Variants in CBFA2T3 observed in about 807,000 individuals in gnomAD.
The protein encoded by CBFA2T3 is CBFA2/RUNX1 partner transcriptional co-repressor 3.
Under a neutral mutation model 58.6 loss-of-function variants are expected in CBFA2T3, and 31 were observed. The observed-to-expected ratio is 0.53, with a 90% CI of 0.40 to 0.71. CBFA2T3 has a LOEUF of 0.71. CBFA2T3 is among the 30% of genes least tolerant of loss of function. The pLI is 0.00. For synonymous variants in CBFA2T3, 531 were observed against 421.9 expected (o/e 1.26, Z -3.17); for missense variants, 1,076 against 963.1 (o/e 1.12, Z -1.55).
In CBFA2T3 at chr16:88,885,212, C is replaced by T. The variant is rs761363984; in HGVS notation, c.951G>A (p.Arg317=). 2.7e-5 allele frequency: 43 copies of T among 1,596,124 alleles called. No individual in the cohort carries two copies. Among genetic ancestry groups the T allele is most frequent in the Admixed American group, 1.7e-4 (10 of 59,126 alleles). The change falls in exon 7 of 12, where the codon CGG becomes CGA. Residue 317 remains arginine (R), a synonymous_variant. Coordinates refer to ENST00000268679, the MANE Select transcript of CBFA2T3 (RefSeq NM_005187.6). This position sits in a 1 kb window ranked among gnomAD's most constrained non-coding sequence, Gnocchi z 5.3. ...DPLHPEHLSK[R]PCTLNPAQRY... is the part of the protein sequence containing the mutation. ...GCTGGGCAGGGTTCAGGGTGCATGG[C>T]CGTTTGCTGAGGTGCTCGGGGTGCA...
At chr16:88,884,895 G>A (rs564982446) in intron 7 of CBFA2T3, 151 bp downstream of exon 7, 1 of 619,664 alleles carries the variant, frequency 1.6e-6, no homozygotes, top group Non-Finnish European at 2.7e-6. Context: ...CTCTGCTCCA[G>A]GGGGAATGCC....
Position 88,894,556 on chromosome 16 carries a change from GCA to G in CBFA2T3, c.380-2073_380-2072del, listed in dbSNP as rs771054339. Among the ~76,000 whole-genome samples the G allele has an allele frequency of 3.5e-3, 471 of 134,738 alleles. 25 individuals carry two copies. Among genetic ancestry groups the G allele is most frequent in the East Asian group, 0.025 (93 of 3,782 alleles). 88.4% of individuals were successfully genotyped at this position (134,738 alleles called of 152,430 possible). On this transcript the variant is annotated intron_variant, in intron 3 of 11. Transcript: ENST00000268679. ...ACACATGCACACAATGTACACACAT[GCA>G]CACACACATGCACACACACATGCAT...
At chr16:88,955,900 G>A (rs1384857263) in intron 1 of CBFA2T3, among the ~76,000 whole-genome samples, 2 of 106,320 alleles carry the variant, frequency 1.9e-5, no homozygotes, top group African/African-American at 3.9e-5. Context: ...TCCTGACCCC[G>A]CCCAAGGCTC....
intron 1 of CBFA2T3, among the ~76,000 whole-genome samples, chr16:88,931,901 C>G (rs1177628176): frequency 1.3e-5 from 2 of 152,002 alleles, no homozygotes; most frequent in Non-Finnish European, 2.9e-5. Context: ...AGCACTTCGC[C>G]GGGGCACTTA....
At chr16:88,890,614 C>T (rs933961807) in intron 5 of CBFA2T3, among the ~76,000 whole-genome samples, 3 of 152,242 alleles carry the variant, frequency 2.0e-5, no homozygotes, top group Non-Finnish European at 2.9e-5. Flanking sequence ...AATGGAGACC[C>T]GCAGAGATGG....
At chr16:88,884,339 C>G (rs1969265436) in intron 7 of CBFA2T3, 1 of 152,374 alleles carries the variant, frequency 6.6e-6, no homozygotes, top group Admixed American at 6.5e-5. Flanking sequence ...TGCAGCCTGT[C>G]CTGGGGGGGC....
chr16:88,948,290 G>A (rs1971958161), intron 1 of CBFA2T3, among the ~76,000 whole-genome samples: 1 of 152,254 alleles, frequency 6.6e-6, no homozygotes, highest in South Asian at 2.1e-4. Flanking sequence ...GCAGGTTGCA[G>A]CAGAGACACA....
At chr16:88,901,472 TG>T in intron 2 of CBFA2T3, 31 bp downstream of exon 2, 3 of 1,307,262 alleles carry the variant, frequency 2.3e-6, no homozygotes, top group South Asian at 1.6e-5. Flanking sequence ...CTGAAACACC[TG>T]GCCCTCGGCT....
At chr16:88,900,020 C>T (rs1970039037) in intron 2 of CBFA2T3, among the ~76,000 whole-genome samples, 1 of 152,336 alleles carries the variant, frequency 6.6e-6, no homozygotes, top group Non-Finnish European at 1.5e-5. Context: ...GTGACAAGGA[C>T]ATGTGAGAAA....
At chr16:88,937,678 G>A (rs1971550723) in intron 1 of CBFA2T3, 1 of 152,328 alleles carries the variant, frequency 6.6e-6, no homozygotes. Context: ...CCTCAGGGCT[G>A]GCTGCCGTGA....
intron 1 of CBFA2T3, among the ~76,000 whole-genome samples, chr16:88,919,808 C>A (rs1015332642): frequency 6.6e-6 from 1 of 152,200 alleles, no homozygotes; most frequent in Admixed American, 6.5e-5. Flanking sequence ...GACACTGTTT[C>A]AATGCAGGTC....
At chr16:88,947,963 T>G (rs1567628548) in intron 1 of CBFA2T3, among the ~76,000 whole-genome samples, 1 of 152,148 alleles carries the variant, frequency 6.6e-6, no homozygotes, top group Non-Finnish European at 1.5e-5. Context: ...AGACATCTCG[T>G]AAAAGGAGGG....
intron 5 of CBFA2T3, among the ~76,000 whole-genome samples, chr16:88,891,635 C>T (rs1029167089): frequency 7.9e-5 from 12 of 152,198 alleles, no homozygotes; most frequent in Non-Finnish European, 1.6e-4. Flanking sequence ...GATAATCATC[C>T]GGTCTGGCAA....
At chr16:88,943,037 G>A (rs564375248) in intron 1 of CBFA2T3, among the ~76,000 whole-genome samples, 92 of 151,060 alleles carry the variant, frequency 6.1e-4, no homozygotes, top group Middle Eastern at 3.4e-3. Context: ...CTGAGGCACA[G>A]TGGATTTTAA....
intron 1 of CBFA2T3, among the ~76,000 whole-genome samples, chr16:88,959,883 G>A (rs1238710718): frequency 6.6e-6 from 1 of 152,102 alleles, no homozygotes; most frequent in Admixed American, 6.5e-5. Flanking sequence ...AAAATTAGCA[G>A]GATGCAGTGA....
At position 88,971,576 on chromosome 16, in the gene CBFA2T3, G is replaced by C. The variant is rs370541129; in HGVS notation, c.151+5081C>G. Among the ~76,000 whole-genome samples the C allele has an allele frequency of 2.2e-4, 33 of 152,352 alleles. 1 individual carries two copies. The East Asian group carries it at 5.4e-3, about 25-fold the overall frequency. On this transcript the variant is annotated intron_variant, in intron 1 of 11. Coordinates refer to ENST00000268679, the MANE Select transcript of CBFA2T3 (RefSeq NM_005187.6). ...ACAGGCCTGGGAGCGGCCGTCCTGG[G>C]GGTGGACTTGGGGGTTTTGTGCTGA...
chr16:88,919,587 C>G (rs1277556117), intron 1 of CBFA2T3, among the ~76,000 whole-genome samples: 1 of 152,240 alleles, frequency 6.6e-6, no homozygotes, highest in Non-Finnish European at 1.5e-5. Flanking sequence ...GCAAAACCCA[C>G]TCCTCGAATT....
At chr16:88,976,631 C>T in intron 1 of CBFA2T3, 26 bp downstream of exon 1, 1 of 1,527,608 alleles carries the variant, frequency 6.5e-7, no homozygotes, top group Non-Finnish European at 8.9e-7. Context: ...GCCCCCACCC[C>T]ACCACCTTCC....
chr16:88,951,292 C>G (rs1156985278), intron 1 of CBFA2T3: 1 of 456,742 alleles, frequency 2.2e-6, no homozygotes, highest in Non-Finnish European at 4.4e-6. Flanking sequence ...TGGACTGGCA[C>G]CAGCACAGAG....
Sources: gnomAD v4.1 joint callset for allele counts (sites outside exome capture counted in the v4.1 genomes callset) on GRCh38, gnomAD v4.1.1 for gene constraint, Gnocchi (gnomAD v3.1) non-coding constraint, MANE v1.5 for transcripts, NCBI Gene and HGNC (gene_info 2026-07-23, HGNC 2026-07-21) for gene names.